Variants in SLC3A1 observed in about 807,000 individuals in gnomAD.
SLC3A1 encodes the protein amino acid transporter heavy chain SLC3A1.
Under a neutral mutation model 60.3 loss-of-function variants are expected in SLC3A1, and 78 were observed. The ratio of observed to expected loss-of-function variants is 1.29; its 90% CI spans 1.08 to 1.56. The LOEUF is 1.56. Among genes scored for constraint, SLC3A1 ranks in the 40% most tolerant of loss-of-function variants. The pLI, the probability that SLC3A1 is intolerant of heterozygous loss-of-function variation, is 0.00. For missense variants in SLC3A1, 1,172 were observed against 858.9 expected (o/e 1.36, Z -4.56); for synonymous variants, 392 against 307.9 (o/e 1.27, Z -2.86).
intron 3 of SLC3A1, among the ~76,000 whole-genome samples, chr2:44,282,043 T>C (rs1221937051): frequency 6.6e-6 from 1 of 152,120 alleles, no homozygotes; most frequent in African/African-American, 2.4e-5. Flanking sequence ...GGCTAATTTT[T>C]GTATTTTTAG....
intron 4 of SLC3A1, among the ~76,000 whole-genome samples, chr2:44,298,241 G>A (rs1452481950): frequency 6.6e-6 from 1 of 152,014 alleles, no homozygotes; most frequent in Non-Finnish European, 1.5e-5. Context: ...TCCCTCCAGG[G>A]GTTTCCCATC....
At chr2:44,291,834 C>T (rs1458078657) in intron 4 of SLC3A1, among the ~76,000 whole-genome samples, 1 of 152,120 alleles carries the variant, frequency 6.6e-6, no homozygotes, top group Non-Finnish European at 1.5e-5. Context: ...GGGAAGCTGG[C>T]ATGCTGGGGA....
intron 4 of SLC3A1, among the ~76,000 whole-genome samples, chr2:44,294,507 A>G (rs1041683900): frequency 6.6e-6 from 1 of 151,940 alleles, no homozygotes; most frequent in Non-Finnish European, 1.5e-5. Context: ...CATCTCAAAA[A>G]AAAAAAAAAA....
chr2:44,285,548 T>C (rs915134447), intron 3 of SLC3A1: 2 of 399,430 alleles, frequency 5.0e-6, no homozygotes, highest in South Asian at 2.0e-5. Flanking sequence ...CTTTTTATTC[T>C]TGGAGACTGG....
chr2:44,308,732 AT>A (rs566593033), intron 7 of SLC3A1, among the ~76,000 whole-genome samples: 235 of 146,694 alleles, frequency 1.6e-3, no homozygotes, highest in Admixed American at 1.6e-3. Context: ...TTCCTGAAGA[AT>A]TTTTTTTTTT....
rs1672911849 is a variant in SLC3A1, at chr2:44,321,243, A to G, written c.*604A>G. On this transcript the variant is annotated 3_prime_UTR_variant, in exon 10 of 10. Coordinates refer to ENST00000260649, the MANE Select transcript of SLC3A1 (RefSeq NM_000341.4). The stretch of plus-strand genomic sequence containing the variant: ...ATTTAGATGGAGAAGCACATTTTAA[A>G]AAATTAATAACTTAAAAGTCTCAAG... 2.1e-6 allele frequency: 2 copies of G among 958,762 alleles called. No individual in the cohort carries two copies. The highest frequency in any genetic ancestry group is 1.7e-5 in the African/African-American group (1 of 59,988). The allele number at this position is 958,762 out of a possible 1,614,324, so 59.4% of individuals were successfully genotyped here. A position where few individuals can be genotyped will look rare whatever the true frequency, so the allele number is the denominator to read the frequency against.
At chr2:44,311,581 CAGA>C (rs1398124438) in intron 7 of SLC3A1, among the ~76,000 whole-genome samples, 2 of 152,004 alleles carry the variant, frequency 1.3e-5, no homozygotes, top group Non-Finnish European at 2.9e-5. Flanking sequence ...GGTTTCTTGT[CAGA>C]AGATCTCATG....
intron 7 of SLC3A1, among the ~76,000 whole-genome samples, chr2:44,305,175 G>C (rs1483129891): frequency 6.6e-6 from 1 of 152,102 alleles, no homozygotes. Flanking sequence ...CTTCAGTGAA[G>C]AACAGAAGAT....
At chr2:44,313,769 C>G in intron 8 of SLC3A1, 66 bp from the exon 9 acceptor site, 2 of 1,193,738 alleles carry the variant, frequency 1.7e-6, no homozygotes, top group Non-Finnish European at 2.5e-6. Flanking sequence ...TGAAGTAAAT[C>G]AGGACCAAAG....
At chr2:44,282,389 G>A (rs112161702) in intron 3 of SLC3A1, among the ~76,000 whole-genome samples, 18 of 151,396 alleles carry the variant, frequency 1.2e-4, no homozygotes, top group Middle Eastern at 3.2e-3. Flanking sequence ...TTCAAACATC[G>A]TATCTGCCTC....
intron 3 of SLC3A1, among the ~76,000 whole-genome samples, chr2:44,283,331 A>G (rs929163304): frequency 1.3e-5 from 2 of 152,038 alleles, no homozygotes; most frequent in African/African-American, 4.8e-5. Flanking sequence ...TGGCAGTTTC[A>G]CCTCTTTTTT....
intron 4 of SLC3A1, among the ~76,000 whole-genome samples, chr2:44,288,911 T>G (rs2104346502): frequency 6.6e-6 from 1 of 152,244 alleles, no homozygotes; most frequent in East Asian, 1.9e-4. Flanking sequence ...CTCGGCTCAC[T>G]GCAACCCCAG....
chr2:44,285,482 G>A (rs1049759878), intron 3 of SLC3A1: 11 of 357,690 alleles, frequency 3.1e-5, no homozygotes, highest in Non-Finnish European at 6.0e-5. Context: ...AGCATTTCCA[G>A]ACAGAGGAGA....
intron 4 of SLC3A1, among the ~76,000 whole-genome samples, chr2:44,289,961 G>T (rs1054948361): frequency 6.6e-6 from 1 of 152,052 alleles, no homozygotes; most frequent in Admixed American, 6.6e-5. Flanking sequence ...TTTGTTGCTT[G>T]TGCCTTTAGT....
chr2:44,294,198 T>C (rs577433341), intron 4 of SLC3A1, among the ~76,000 whole-genome samples: 5 of 151,630 alleles, frequency 3.3e-5, no homozygotes, highest in East Asian at 3.9e-4. Context: ...TGCAGAGAGA[T>C]TGGGTAATAT....
intron 1 of SLC3A1, among the ~76,000 whole-genome samples, chr2:44,279,807 C>A (rs544564391): frequency 6.6e-6 from 1 of 152,212 alleles, no homozygotes; most frequent in East Asian, 1.9e-4. Context: ...AAACAATCTG[C>A]CCACCATGGC....
At chr2:44,312,444 C>A (rs536870677) in intron 7 of SLC3A1, 142 bp from the exon 8 acceptor site, 3 of 802,526 alleles carry the variant, frequency 3.7e-6, no homozygotes, top group South Asian at 1.4e-5. Context: ...AAATAGCAGG[C>A]CTAGGACTCA....
chr2:44,302,923 G>A (rs1292649284), intron 6 of SLC3A1, among the ~76,000 whole-genome samples: 1 of 152,152 alleles, frequency 6.6e-6, no homozygotes, highest in Non-Finnish European at 1.5e-5. Flanking sequence ...AACAGGCTTG[G>A]TGCGGTGGCT....
chr2:44,302,382 G>A (rs1672036724), intron 6 of SLC3A1, among the ~76,000 whole-genome samples: 1 of 152,166 alleles, frequency 6.6e-6, no homozygotes. Flanking sequence ...CCATCATTAA[G>A]TTTACATAGA....
Sources: gnomAD v4.1 joint callset for allele counts (sites outside exome capture counted in the v4.1 genomes callset) on GRCh38, gnomAD v4.1.1 for gene constraint, MANE v1.5 for transcripts, NCBI Gene and HGNC (gene_info 2026-07-23, HGNC 2026-07-21) for gene names.